ACADS: variants seen among roughly 807,000 people sequenced by gnomAD.
ACADS encodes acyl-CoA dehydrogenase short chain.
A neutral mutation model predicts 46.8 loss-of-function variants in ACADS; 28 were observed. The observed-to-expected ratio is 0.60, with a 90% CI of 0.44 to 0.82. The LOEUF (loss-of-function observed/expected upper bound fraction) is 0.82. Ranked by LOEUF, ACADS falls within the 40% of genes least tolerant of loss-of-function variation. The probability of loss-of-function intolerance (pLI) is 0.00; values close to 1 mark genes in which losing one functional copy is unlikely to be tolerated. For synonymous variants in ACADS, 236 were observed against 237.7 expected (o/e 0.99, Z 0.07); for missense variants, 528 against 578.0 (o/e 0.91, Z 0.89).
intron 2 of ACADS, among the ~76,000 whole-genome samples, chr12:120,730,139 C>T (rs976634952): frequency 6.6e-5 from 10 of 152,028 alleles, no homozygotes; most frequent in Non-Finnish European, 1.3e-4. Context: ...CGCACCACCA[C>T]ACCCGGCTAA....
Position 120,736,971 on chromosome 12 carries a change from C to T in ACADS, c.211-15C>T. On this transcript the variant is annotated splice_polypyrimidine_tract_variant and intron_variant, in intron 2 of 9. Coordinates refer to ENST00000242592, the MANE Select transcript of ACADS (RefSeq NM_000017.4). ...CGGCAGCTGCCCATGGCGTGCCGTC[C>T]TTCCCTGTGCCCAGGTGAAGAAGAT... The T allele has an allele frequency of 6.3e-7, 1 of 1,597,630 alleles. No individual in the cohort carries two copies. Among genetic ancestry groups the T allele is most frequent in the Middle Eastern group, 1.7e-4 (1 of 6,004 alleles).
rs916490617 is a variant in ACADS at position 120,739,520 on chromosome 12, G to T, written c.*72G>T. On this transcript the variant is annotated 3_prime_UTR_variant, in exon 10 of 10. Coordinates refer to ENST00000242592, the MANE Select transcript of ACADS (RefSeq NM_000017.4). ...GGGCCTCCACCCCAACCCCGGCTCA[G>T]AGACTGGGCGGCCCGGCGGGGGCTC... 1.2e-5 allele frequency: 19 copies of T among 1,561,608 alleles called. No homozygotes were observed. The highest frequency in any genetic ancestry group is 1.8e-5 in the Admixed American group (1 of 55,202).
chr12:120,731,455 GTTT>G (rs71076649), intron 2 of ACADS, among the ~76,000 whole-genome samples: 3 of 126,212 alleles, frequency 2.4e-5, no homozygotes, highest in Non-Finnish European at 1.6e-5. Flanking sequence ...TAATAAAATA[GTTT>G]TTTTTTTTTT....
rs12231499 is a variant in ACADS, at chr12:120,737,688, T to G, written c.473-149T>G. On this transcript the variant is annotated intron_variant, in intron 4 of 9. Transcript: ENST00000242592. ...CCTGCACACCCCCCTCGCCCTCTGGTCCCATCACTGAGAGCTTTGGGACCC... is the reference window on the plus strand; with the variant it reads ...CCTGCACACCCCCCTCGCCCTCTGGGCCCATCACTGAGAGCTTTGGGACCC... 0.019 allele frequency: 23,223 copies of G among 1,236,508 alleles called. 1,482 individuals carry two copies. The East Asian group carries it at 0.24, about 13-fold the overall frequency. 76.6% of individuals were successfully genotyped at this position (1,236,508 alleles called of 1,614,324 possible). A position where few individuals can be genotyped will look rare whatever the true frequency, so the allele number is the denominator to read the frequency against.
Position 120,735,364 on chromosome 12 carries a change from A to C in ACADS, c.211-1622A>C, listed in dbSNP as rs181048708. Among the ~76,000 whole-genome samples the C allele has an allele frequency of 0.018, 2,695 of 149,846 alleles. 235 individuals carry two copies. In the East Asian group the frequency reaches 0.26, roughly 14 times the overall value. On this transcript the variant is annotated intron_variant, in intron 2 of 9. Coordinates refer to ENST00000242592, the MANE Select transcript of ACADS (RefSeq NM_000017.4). ...CGCAGTCCTTAAAAAAAAAAAAAAA[A>C]AAAAAAAAAACAACTTGGCAGCCAC...
At chr12:120,726,434 A>G (rs146391762) in intron 1 of ACADS, among the ~76,000 whole-genome samples, 1 of 152,330 alleles carries the variant, frequency 6.6e-6, no homozygotes, top group African/African-American at 2.4e-5. Flanking sequence ...GCTGGTTAAT[A>G]CAGTACCTTT....
At position 120,739,348 on chromosome 12, in the gene ACADS, G is replaced by A. The variant is rs368064268; in HGVS notation, c.1139G>A (p.Arg380Gln). 4.3e-6 allele frequency: 7 copies of A among 1,612,940 alleles called. No homozygotes were observed. The highest frequency in any genetic ancestry group is 3.3e-5 in the South Asian group (3 of 91,086). The change falls in exon 10 of 10, where the codon CGG (arginine) becomes CAG (glutamine). Residue 380 changes from arginine to glutamine, a missense_variant. By Grantham distance (43) the Arg-to-Gln change is conservative. Transcript: ENST00000242592. Reference protein sequence around the residue: ...MGYVTEMPAERHYRDARITEI... With the variant: ...MGYVTEMPAEQHYRDARITEI... ...TACGTGACAGAGATGCCGGCAGAGC[G>A]GCACTACCGCGACGCCCGCATCACT...
chr12:120,726,656 G>A (rs903312839), intron 1 of ACADS, among the ~76,000 whole-genome samples: 2 of 152,242 alleles, frequency 1.3e-5, no homozygotes, highest in Admixed American at 1.3e-4. Flanking sequence ...TAAGGTCACA[G>A]AGCTGAGGTC....
At chr12:120,736,848 G>A (rs771668605) in intron 2 of ACADS, 138 bp from the exon 3 acceptor site, 16 of 1,097,662 alleles carry the variant, frequency 1.5e-5, no homozygotes, top group African/African-American at 4.8e-5. Context: ...TGGACTTGGG[G>A]ATCCCTTGTG....
At chr12:120,738,100 G>A (rs1355246884) in intron 5 of ACADS, 112 bp downstream of exon 5, 3 of 1,577,140 alleles carry the variant, frequency 1.9e-6, no homozygotes, top group South Asian at 1.1e-5. Context: ...GGGCAAGTGG[G>A]CTGTCCCTGT....
Position 120,737,759 on chromosome 12 carries a change from G to A in ACADS, c.473-78G>A, listed in dbSNP as rs117636828. 0.028 allele frequency: 44,042 copies of A among 1,595,084 alleles called. 788 individuals are homozygous for A. Among genetic ancestry groups the A allele is most frequent in the South Asian group, 0.053 (4,742 of 90,200 alleles). Reference sequence around the variant, plus strand: ...ATAGGGTTTCGTGTCTGCCAGCAGGGGTGTGGAGGGAGTGAGGCTGGTGCC... The same window carrying A: ...ATAGGGTTTCGTGTCTGCCAGCAGGAGTGTGGAGGGAGTGAGGCTGGTGCC... On this transcript the variant is annotated intron_variant, in intron 4 of 9. Coordinates refer to ENST00000242592, the MANE Select transcript of ACADS (RefSeq NM_000017.4).
intron 1 of ACADS, among the ~76,000 whole-genome samples, chr12:120,726,132 C>T (rs1354929022): frequency 6.6e-6 from 1 of 151,210 alleles, no homozygotes; most frequent in Non-Finnish European, 1.5e-5. Context: ...TGCACAGACC[C>T]CTACCCCCCG....
chr12:120,725,981 C>T, intron 1 of ACADS, 50 bp downstream of exon 1: 2 of 1,490,808 alleles, frequency 1.3e-6, no homozygotes, highest in Admixed American at 2.2e-5. Context: ...GCGTCTGGCC[C>T]AGCGGGCGGA....
In ACADS at chr12:120,734,753, A is replaced by ATTTTT. The variant is rs34601782; in HGVS notation, c.211-2221_211-2217dup. Among the ~76,000 whole-genome samples the ATTTTT allele has an allele frequency of 2.7e-4, 37 of 136,910 alleles. 1 individual carries two copies. The highest frequency in any genetic ancestry group is 4.8e-4 in the South Asian group (2 of 4,148). 89.8% of individuals were successfully genotyped at this position (136,910 alleles called of 152,430 possible). Reference sequence around the variant, plus strand: ...ACACCCTGTCTCTAAAAAAACAATAATTTTTTTTTTTTTTTTGAGACAGAT... The same window carrying ATTTTT: ...ACACCCTGTCTCTAAAAAAACAATAATTTTTTTTTTTTTTTTTTTTTGAGACAGAT... On this transcript the variant is annotated intron_variant, in intron 2 of 9. Coordinates refer to ENST00000242592, the MANE Select transcript of ACADS (RefSeq NM_000017.4).
intron 1 of ACADS, among the ~76,000 whole-genome samples, chr12:120,726,204 C>T (rs1452587258): frequency 2.0e-5 from 3 of 151,902 alleles, no homozygotes; most frequent in Admixed American, 2.0e-4. Flanking sequence ...ATTTCACCCC[C>T]ACTAGAGGTT....
rs563943837 is a variant in ACADS, at chr12:120,738,933, C to T, written c.1029+18C>T. 4.7e-5 allele frequency: 76 copies of T among 1,612,732 alleles called. No individual in the cohort carries two copies. Among genetic ancestry groups the T allele is most frequent in the African/African-American group, 1.2e-4 (9 of 74,916 alleles). On this transcript the variant is annotated intron_variant, in intron 8 of 9. Coordinates refer to ENST00000242592, the MANE Select transcript of ACADS (RefSeq NM_000017.4). The stretch of plus-strand genomic sequence containing the variant: ...TCATCAAGGTGCCCACAGGGGTCCC[C>T]GAGCCATGGCCCAGAATGTGGTGGG...
rs759856061 is a variant in ACADS at position 120,738,433 on chromosome 12, G to T, written c.778G>T (p.Gly260Cys). ...KDSILGEPGM[G>C]FKIAMQTLDM... is the part of the protein sequence containing the mutation. ...CAGCATCCTGGGGGAGCCAGGGATG[G>T]GCTTCAAGATAGCCATGGTGAGCCC... Residue 260 changes from glycine (G) to cysteine (C), a missense_variant, in exon 6 of 10, where the codon GGC becomes TGC. Physicochemically the swap from Gly to Cys is radical, Grantham distance 159. Transcript: ENST00000242592. The T allele has an allele frequency of 6.8e-6, 11 of 1,611,456 alleles. No homozygotes were observed. In the South Asian group the frequency reaches 1.2e-4, roughly 18 times the overall value.
At chr12:120,735,284 A>AG (rs1555243699) in intron 2 of ACADS, among the ~76,000 whole-genome samples, 1 of 143,938 alleles carries the variant, frequency 6.9e-6, no homozygotes, top group Non-Finnish European at 1.5e-5. Context: ...AAAAAAAAAA[A>AG]AAAAAGAAAA....
At position 120,737,954 on chromosome 12, in the gene ACADS, T is replaced by C; in HGVS notation, c.590T>C (p.Val197Ala). The change falls in exon 5 of 10, where the codon GTC becomes GCC. Residue 197 changes from valine to alanine, a missense_variant. Coordinates refer to ENST00000242592, the MANE Select transcript of ACADS (RefSeq NM_000017.4). ...TNAWEASAAV[V>A]FASTDRALQN... is the part of the protein sequence containing the mutation. ...GCCTGGGAGGCTTCGGCTGCCGTGG[T>C]CTTTGCCAGCACGGACAGAGCCCTG... 6.2e-7 allele frequency: 1 copy of C among 1,614,080 alleles called. No homozygotes were observed. Among genetic ancestry groups the C allele is most frequent in the South Asian group, 1.1e-5 (1 of 91,086 alleles).
Sources: gnomAD v4.1 joint callset for allele counts (sites outside exome capture counted in the v4.1 genomes callset) on GRCh38, gnomAD v4.1.1 for gene constraint, MANE v1.5 for transcripts, NCBI Gene and HGNC (gene_info 2026-07-23, HGNC 2026-07-21) for gene names.